ROBO1: variants seen among roughly 807,000 people sequenced by gnomAD.
ROBO1 encodes the protein roundabout guidance receptor 1.
A neutral mutation model predicts 195.9 loss-of-function variants in ROBO1; 149 were observed. That is an observed-to-expected ratio of 0.76 (90% CI 0.67 to 0.87). ROBO1 has a LOEUF of 0.87. Ranked by LOEUF, ROBO1 falls within the 40% of genes least tolerant of loss-of-function variation. ROBO1 has a pLI of 0.00. For synonymous variants in ROBO1, 816 were observed against 733.2 expected (o/e 1.11, Z -1.82); for missense variants, 1,933 against 2,068.3 (o/e 0.93, Z 1.27).
At chr3:79,656,145 T>C (rs970222325) in intron 1 of ROBO1, among the ~76,000 whole-genome samples, 1 of 152,090 alleles carries the variant, frequency 6.6e-6, no homozygotes, top group Non-Finnish European at 1.5e-5. Context: ...AGTTAAGGAT[T>C]GCAAAGACAA....
chr3:79,282,058 A>C (rs1221395014), intron 2 of ROBO1, among the ~76,000 whole-genome samples: 1 of 152,230 alleles, frequency 6.6e-6, no homozygotes, highest in Non-Finnish European at 1.5e-5. Context: ...AGGAGTTAGT[A>C]GTGGTCTACA....
rs1158213253 is a variant in ROBO1 at position 79,484,755 on chromosome 3, CTTT to C, written c.88+105066_88+105068del. On this transcript the variant is annotated intron_variant, in intron 2 of 30. Transcript: ENST00000464233. Reference sequence around the variant, plus strand: ...TTATACACCACTATCATTGCACTATCTTTTTTTTTTTTTTTTTGAGACAGAGTC... The same window carrying C: ...TTATACACCACTATCATTGCACTATCTTTTTTTTTTTTTTGAGACAGAGTC... Among the ~76,000 whole-genome samples, 169 of 66,890 alleles carry C rather than the reference CTTT, an allele frequency of 2.5e-3. 18 individuals carry two copies. Among genetic ancestry groups the C allele is most frequent in the Middle Eastern group, 0.015 (1 of 66 alleles). 43.9% of individuals were successfully genotyped at this position (66,890 alleles called of 152,430 possible).
At chr3:79,669,237 T>G (rs2106887993) in intron 1 of ROBO1, among the ~76,000 whole-genome samples, 1 of 151,954 alleles carries the variant, frequency 6.6e-6, no homozygotes, top group East Asian at 2.0e-4. Flanking sequence ...CCAGCTCTCT[T>G]TTTTTGCCTG....
At chr3:79,387,434 A>G (rs1348388335) in intron 2 of ROBO1, among the ~76,000 whole-genome samples, 1 of 150,444 alleles carries the variant, frequency 6.6e-6, no homozygotes, top group African/African-American at 2.4e-5. Flanking sequence ...GTATATATAT[A>G]CATATATGCA....
chr3:79,092,474 CCAGA>C (rs1328598843), intron 3 of ROBO1, among the ~76,000 whole-genome samples: 1 of 152,060 alleles, frequency 6.6e-6, no homozygotes, highest in African/African-American at 2.4e-5. Context: ...TTGAGAATTG[CCAGA>C]CAGAGATGTC....
chr3:79,387,906 T>G (rs1410074142), intron 2 of ROBO1, among the ~76,000 whole-genome samples: 1 of 152,132 alleles, frequency 6.6e-6, no homozygotes, highest in Non-Finnish European at 1.5e-5. Context: ...GTGGACGGCC[T>G]TATGAGCTCC....
At chr3:78,600,597 C>T (rs1703115657) in intron 29 of ROBO1, among the ~76,000 whole-genome samples, 1 of 152,054 alleles carries the variant, frequency 6.6e-6, no homozygotes, top group Non-Finnish European at 1.5e-5. Flanking sequence ...AGAGGTAAAC[C>T]AAACCTGGAG....
chr3:79,488,486 T>C (rs763705031), intron 2 of ROBO1, among the ~76,000 whole-genome samples: 3 of 152,132 alleles, frequency 2.0e-5, no homozygotes, highest in Non-Finnish European at 2.9e-5. Context: ...CTTCTTGTGG[T>C]GAATATTATT....
At chr3:79,654,640 G>T (rs764531938) in intron 1 of ROBO1, among the ~76,000 whole-genome samples, 1 of 151,850 alleles carries the variant, frequency 6.6e-6, no homozygotes, top group Non-Finnish European at 1.5e-5. Context: ...ATAAAAATTT[G>T]CACATTTACA....
rs185328991 is a variant in ROBO1 at position 78,751,029 on chromosome 3, T to C, written c.500-4129A>G. ...CATTGTATTTCCAATAAATTCACTT[T>C]ATTATTGCAAAAGGCTTGACTTATG... On this transcript the variant is annotated intron_variant, in intron 4 of 30. Transcript: ENST00000464233. Among the ~76,000 whole-genome samples, 739 of 152,332 alleles carry C rather than the reference T, an allele frequency of 4.9e-3. 6 individuals are homozygous for C. The highest frequency in any genetic ancestry group is 0.017 in the African/African-American group (699 of 41,584).
At position 79,568,648 on chromosome 3, in the gene ROBO1, C is replaced by T. The variant is rs559043079; in HGVS notation, c.88+21176G>A. ...TTTGGTTTGTTCATGCTTGTCTGTC[C>T]TTTGTTCTTGGTGGGGTGCTGGAGA... On this transcript the variant is annotated intron_variant, in intron 2 of 30. Transcript: ENST00000464233. Among the ~76,000 whole-genome samples, 21 of 151,410 alleles carry T rather than the reference C, an allele frequency of 1.4e-4. No homozygotes were observed. The East Asian group carries it at 2.5e-3, about 18-fold the overall frequency.
At chr3:79,125,412 G>A (rs371555698) in intron 3 of ROBO1, 44 bp downstream of exon 3, 112 of 1,477,520 alleles carry the variant, frequency 7.6e-5, no homozygotes, top group Middle Eastern at 1.7e-4. Flanking sequence ...TGGAGGTGGA[G>A]GCATTTCAGG....
At chr3:79,380,260 T>G (rs2036524245) in intron 2 of ROBO1, among the ~76,000 whole-genome samples, 2 of 152,192 alleles carry the variant, frequency 1.3e-5, no homozygotes, top group South Asian at 4.1e-4. Flanking sequence ...TTGTCATTTT[T>G]CTTTGTAAAA....
intron 3 of ROBO1, among the ~76,000 whole-genome samples, chr3:79,007,347 C>A (rs1391179610): frequency 6.6e-6 from 1 of 152,086 alleles, no homozygotes; most frequent in Admixed American, 6.5e-5. Context: ...TAATTCCCGA[C>A]ACAGAAAGTA....
At chr3:79,061,810 A>AAACTGG (rs2078923437) in intron 3 of ROBO1, among the ~76,000 whole-genome samples, 1 of 152,200 alleles carries the variant, frequency 6.6e-6, no homozygotes, top group African/African-American at 2.4e-5. Context: ...TAGAAAGCTG[A>AAACTGG]AACTGGATCC....
chr3:78,900,074 A>C (rs1035912852), intron 4 of ROBO1, among the ~76,000 whole-genome samples: 7 of 152,156 alleles, frequency 4.6e-5, no homozygotes, highest in Non-Finnish European at 1.0e-4. Context: ...TGGCAGTAAG[A>C]AATACGATCT....
At chr3:79,361,744 A>G (rs1003609653) in intron 2 of ROBO1, among the ~76,000 whole-genome samples, 1 of 152,082 alleles carries the variant, frequency 6.6e-6, no homozygotes, top group African/African-American at 2.4e-5. Flanking sequence ...TGAAAAACTC[A>G]TTGCATACTT....
intron 5 of ROBO1, 56 bp from the exon 6 acceptor site, chr3:78,717,939 T>C (rs2081944285): frequency 2.6e-6 from 4 of 1,561,046 alleles, no homozygotes; most frequent in East Asian, 4.5e-5. Context: ...TATGTTTACA[T>C]GACAGATGTC....
chr3:78,989,439 C>A (rs904139816), intron 3 of ROBO1, among the ~76,000 whole-genome samples: 7 of 152,108 alleles, frequency 4.6e-5, no homozygotes, highest in South Asian at 4.1e-4. Flanking sequence ...CATGGCAAAA[C>A]CTTGTCTCTA....
Sources: gnomAD v4.1 joint callset for allele counts (sites outside exome capture counted in the v4.1 genomes callset) on GRCh38, gnomAD v4.1.1 for gene constraint, MANE v1.5 for transcripts, NCBI Gene and HGNC (gene_info 2026-07-23, HGNC 2026-07-21) for gene names.